The following MYO6 variants were observed in gnomAD, a reference collection of about 807,000 sequenced individuals.
The protein encoded by MYO6 is myosin VI.
In MYO6, 74 loss-of-function variants were observed where a neutral mutation model predicts 178.7. The ratio of observed to expected loss-of-function variants is 0.41; its 90% CI spans 0.34 to 0.50. MYO6 has a LOEUF of 0.50. MYO6 is among the 20% of genes least tolerant of loss of function. The pLI, the probability that MYO6 is intolerant of heterozygous loss-of-function variation, is 0.09. For synonymous variants in MYO6, 477 were observed against 504.6 expected, an observed-to-expected ratio of 0.95 and a Z score of 0.73; for missense variants, 1,330 against 1,547.4, an observed-to-expected ratio of 0.86 and a Z score of 2.36.
At chr6:75,791,253 G>T (rs1768216535) in intron 1 of MYO6, among the ~76,000 whole-genome samples, 1 of 152,086 alleles carries the variant, frequency 6.6e-6, no homozygotes, top group Non-Finnish European at 1.5e-5. Flanking sequence ...ATTTTTAATT[G>T]TAAAGAATAA....
At chr6:75,808,248 A>T (rs540279872) in intron 1 of MYO6, among the ~76,000 whole-genome samples, 1 of 152,322 alleles carries the variant, frequency 6.6e-6, no homozygotes, top group Admixed American at 6.5e-5. Context: ...TGTAACCTGG[A>T]TATCTGACGT....
At chr6:75,858,791 A>C (rs1024445209) in intron 13 of MYO6, 111 bp from the exon 14 acceptor site, 3 of 703,682 alleles carry the variant, frequency 4.3e-6, no homozygotes, top group East Asian at 2.8e-5. Context: ...ATAATATACA[A>C]ATTTAACCTA....
At chr6:75,838,078 A>T (rs1773830515) in intron 7 of MYO6, among the ~76,000 whole-genome samples, 2 of 145,222 alleles carry the variant, frequency 1.4e-5, no homozygotes, top group African/African-American at 2.6e-5. Context: ...TTTGAGACTG[A>T]GTCTCACTCT....
chr6:75,851,657 A>C (rs1775277448), intron 11 of MYO6, among the ~76,000 whole-genome samples: 1 of 151,688 alleles, frequency 6.6e-6, no homozygotes, highest in Admixed American at 6.6e-5. Context: ...AAAAACCCCC[A>C]AAACACACAC....
chr6:75,885,736 G>A (rs539369773), intron 23 of MYO6, among the ~76,000 whole-genome samples: 1 of 152,188 alleles, frequency 6.6e-6, no homozygotes, highest in East Asian at 1.9e-4. Context: ...GTGAGCCACC[G>A]CGCCCGGCCG....
chr6:75,792,865 C>T (rs539862098), intron 1 of MYO6, among the ~76,000 whole-genome samples: 1 of 152,218 alleles, frequency 6.6e-6, no homozygotes, highest in East Asian at 1.9e-4. Context: ...CTCACTGCAG[C>T]CTTGAACTCC....
intron 1 of MYO6, 51 bp from the exon 2 acceptor site, chr6:75,817,450 A>G (rs1294676350): frequency 1.8e-5 from 17 of 944,328 alleles, no homozygotes; most frequent in Non-Finnish European, 2.8e-5. Flanking sequence ...TATTTGTTTT[A>G]TATATATTTC....
chr6:75,905,566 C>T (rs1358911320), intron 30 of MYO6, among the ~76,000 whole-genome samples: 1 of 152,216 alleles, frequency 6.6e-6, no homozygotes, highest in East Asian at 1.9e-4. Context: ...AATGCCTCGC[C>T]CTGCTTTGGC....
intron 25 of MYO6, among the ~76,000 whole-genome samples, chr6:75,888,644 C>G (rs1037006403): frequency 3.3e-5 from 5 of 151,814 alleles, no homozygotes; most frequent in Admixed American, 3.3e-4. Context: ...CCAAAAACCT[C>G]TTAATACCTC....
In MYO6 at chr6:75,908,495, GAT is replaced by G; in HGVS notation, c.3283_3284del (p.Ile1095Ter). ...TTTTTTTTGCTCAATGTAATCAATA[GAT>G]ATTGAGCTCCTGGCAGCTTGCAGAG... ...ELRDTINTSC[D>X]IELLAACREE... On this transcript the variant is annotated frameshift_variant and splice_region_variant, in exon 32 of 35. Coordinates refer to ENST00000369977, the MANE Select transcript of MYO6 (RefSeq NM_004999.4). LOFTEE classifies it high-confidence loss of function. 6.2e-7 allele frequency: 1 copy of G among 1,611,916 alleles called. No homozygotes were observed. Among genetic ancestry groups the G allele is most frequent in the Non-Finnish European group, 8.5e-7 (1 of 1,178,984 alleles).
chr6:75,821,636 CACAA>C (rs1042083848), intron 2 of MYO6, among the ~76,000 whole-genome samples: 4 of 151,842 alleles, frequency 2.6e-5, no homozygotes, highest in African/African-American at 9.7e-5. Context: ...CACACACACA[CACAA>C]ACACACACAC....
At chr6:75,820,716 G>C (rs1015306670) in intron 2 of MYO6, among the ~76,000 whole-genome samples, 2 of 152,036 alleles carry the variant, frequency 1.3e-5, no homozygotes, top group African/African-American at 4.8e-5. Flanking sequence ...TTTCTTTTAA[G>C]ACTCTGATTG....
chr6:75,894,799 A>T, intron 28 of MYO6: 1 of 1,514,938 alleles, frequency 6.6e-7, no homozygotes, highest in South Asian at 1.3e-5. Flanking sequence ...AAGCAATTTT[A>T]AGTTACTTTT....
Position 75,829,907 on chromosome 6 carries a change from G to C in MYO6, c.262-509G>C, listed in dbSNP as rs536312050. 2.0e-5 allele frequency among the ~76,000 whole-genome samples: 3 copies of C among 152,318 alleles called. No individual in the cohort carries two copies. The East Asian group carries it at 5.8e-4, about 29-fold the overall frequency. On this transcript the variant is annotated intron_variant, in intron 4 of 34. Transcript: ENST00000369977. ...GCTAAATCAATCCTTGGCATTCAGT[G>C]ATAGGGATGGGCCCAGAAGGTGCTA... is the stretch of plus-strand genomic sequence containing the variant.
At chr6:75,822,913 T>A (rs1583192581) in intron 3 of MYO6, 62 bp downstream of exon 3, 1 of 1,298,528 alleles carries the variant, frequency 7.7e-7, no homozygotes. Context: ...TTTAAAAAAA[T>A]AAATTAGTGG....
intron 1 of MYO6, among the ~76,000 whole-genome samples, chr6:75,755,664 T>TA (rs1468768840): frequency 3.3e-5 from 5 of 152,234 alleles, no homozygotes; most frequent in Non-Finnish European, 7.3e-5. Context: ...ATCCGATAGT[T>TA]ACAACTGTCT....
rs1183093277 is a variant in MYO6 at position 75,848,376 on chromosome 6, A to T, written c.923A>T (p.Asp308Val). The change falls in exon 11 of 35, where the codon GAT (aspartate) becomes GTT (valine). Residue 308 changes from aspartate (D) to valine (V), a missense_variant. Asp to Val is a radical substitution (Grantham distance 152, BLOSUM62 -3). Around this residue, in one of 3 missense-constraint regions of MYO6, gnomAD observed 613 missense variants for 816.8 expected, o/e 0.75. Coordinates refer to ENST00000369977, the MANE Select transcript of MYO6 (RefSeq NM_004999.4). ...TACCTTAAGGCAGGTTCTATGAAAG[A>T]TCCTCTGCTAGATGACCATGGTGAT... ...PEYLKAGSMK[D>V]PLLDDHGDFI... The T allele has an allele frequency of 1.9e-6, 3 of 1,613,776 alleles. No homozygotes were observed. Among genetic ancestry groups the T allele is most frequent in the Non-Finnish European group, 1.7e-6 (2 of 1,179,770 alleles).
chr6:75,887,705 G>A (rs1778563466), intron 25 of MYO6, among the ~76,000 whole-genome samples: 1 of 151,442 alleles, frequency 6.6e-6, no homozygotes, highest in Admixed American at 6.6e-5. Context: ...CGGGCACGGT[G>A]GGTCACGCCT....
intron 1 of MYO6, among the ~76,000 whole-genome samples, chr6:75,790,511 A>G (rs1305506236): frequency 6.6e-6 from 1 of 151,654 alleles, no homozygotes; most frequent in Non-Finnish European, 1.5e-5. Flanking sequence ...CCTCCTGAGT[A>G]GCTAGGATTA....
Sources: allele counts gnomAD v4.1 joint callset (sites outside exome capture counted in the v4.1 genomes callset), GRCh38; gene constraint gnomAD v4.1.1; regional missense constraint gnomAD v4.1.1; transcripts MANE v1.5; gene names NCBI Gene and HGNC (gene_info 2026-07-23, HGNC 2026-07-21).